Variants in RBFOX1 observed in about 807,000 individuals in gnomAD.
The protein encoded by RBFOX1 is RNA binding fox-1 homolog 1.
A neutral mutation model predicts 57.7 loss-of-function variants in RBFOX1; 8 were observed. The observed-to-expected ratio is 0.14, with a 90% CI of 0.08 to 0.25. RBFOX1 has a LOEUF of 0.25. RBFOX1 is among the 10% of genes least tolerant of loss of function. The pLI is 1.00. For synonymous variants in RBFOX1, 326 were observed against 222.4 expected, an observed-to-expected ratio of 1.47 and a Z score of -4.15; for missense variants, 611 against 548.5, an observed-to-expected ratio of 1.11 and a Z score of -1.14.
chr16:6,651,171 G>T (rs1324606376), intron 2 of RBFOX1, among the ~76,000 whole-genome samples: 1 of 152,140 alleles, frequency 6.6e-6, no homozygotes, highest in South Asian at 2.1e-4. Context: ...CAGAGTGCTG[G>T]GATTGCAGGC....
At chr16:6,201,422 C>T (rs2097214415) in intron 1 of RBFOX1, among the ~76,000 whole-genome samples, 2 of 152,128 alleles carry the variant, frequency 1.3e-5, no homozygotes, top group African/African-American at 4.8e-5. Flanking sequence ...TTCTCAACAA[C>T]AGCGTATAAG....
intron 4 of RBFOX1, among the ~76,000 whole-genome samples, chr16:5,983,935 CTCCTCCTCT>C (rs1189694585): frequency 2.1e-5 from 3 of 145,678 alleles, no homozygotes; most frequent in Non-Finnish European, 3.0e-5. Flanking sequence ...CCCCCTCCTC[CTCCTCCTCT>C]TCCTCCTCTT....
At chr16:7,359,196 T>C (rs934616337) in intron 4 of RBFOX1, among the ~76,000 whole-genome samples, 1 of 152,184 alleles carries the variant, frequency 6.6e-6, no homozygotes, top group Non-Finnish European at 1.5e-5. Context: ...ACCTCTCTTA[T>C]CTGAGCCTTG....
rs993033730 is a variant in RBFOX1 at position 7,439,953 on chromosome 16, T to C, written c.28-78194T>C. ...AAACAACCAAATCTTTTCTTTCTTT[T>C]TTTTTTTTTTTTTTTTGAGACAGGG... is the stretch of plus-strand genomic sequence containing the variant. On this transcript the variant is annotated intron_variant, in intron 4 of 15. Transcript: ENST00000550418. Among the ~76,000 whole-genome samples, 112 of 147,476 alleles carry C rather than the reference T, an allele frequency of 7.6e-4. 1 individual carries two copies. Among genetic ancestry groups the C allele is most frequent in the Non-Finnish European group, 1.0e-3 (68 of 66,600 alleles).
intron 4 of RBFOX1, among the ~76,000 whole-genome samples, chr16:7,356,261 G>A (rs1027246868): frequency 6.6e-6 from 1 of 152,252 alleles, no homozygotes; most frequent in Non-Finnish European, 1.5e-5. Context: ...GATTCTAATG[G>A]GCAGGATGGA....
intron 7 of RBFOX1, among the ~76,000 whole-genome samples, chr16:7,592,642 G>C (rs921584736): frequency 6.6e-6 from 1 of 152,152 alleles, no homozygotes; most frequent in Non-Finnish European, 1.5e-5. Context: ...TTTGGAATAT[G>C]TGGCATGGCT....
intron 3 of RBFOX1, among the ~76,000 whole-genome samples, chr16:5,827,692 G>A (rs576325300): frequency 3.5e-4 from 54 of 152,258 alleles, no homozygotes; most frequent in African/African-American, 1.2e-3. Context: ...GGCAACCCCT[G>A]CTTTGAGTTA....
intron 1 of RBFOX1, among the ~76,000 whole-genome samples, chr16:5,417,209 C>T (rs483079): frequency 0.28 from 42,189 of 152,134 alleles, 8,851 homozygotes; most frequent in African/African-American, 0.59. Context: ...TTTATTCTTA[C>T]TGAATTAGAA....
At chr16:6,287,501 A>G (rs867974318) in intron 1 of RBFOX1, among the ~76,000 whole-genome samples, 6 of 152,292 alleles carry the variant, frequency 3.9e-5, no homozygotes, top group African/African-American at 1.4e-4. Flanking sequence ...AATACCAAAT[A>G]CTAGATTATT....
At chr16:7,548,176 T>A (rs1567771956) in intron 5 of RBFOX1, among the ~76,000 whole-genome samples, 1 of 152,226 alleles carries the variant, frequency 6.6e-6, no homozygotes, top group Non-Finnish European at 1.5e-5. Context: ...TTTCATATTT[T>A]ATTTTTACTT....
intron 4 of RBFOX1, among the ~76,000 whole-genome samples, chr16:7,375,455 AAG>A (rs2097668034): frequency 6.6e-6 from 1 of 152,148 alleles, no homozygotes. Flanking sequence ...CAATCCAGGA[AAG>A]AGAGACCTGC....
chr16:5,799,178 G>A (rs112013656), intron 3 of RBFOX1, among the ~76,000 whole-genome samples: 1,630 of 152,042 alleles, frequency 0.011, 27 homozygotes, highest in African/African-American at 0.037. Flanking sequence ...AAGCAGAAAG[G>A]GAAACCCCTT....
intron 4 of RBFOX1, among the ~76,000 whole-genome samples, chr16:7,054,972 G>A (rs1263840481): frequency 6.6e-6 from 1 of 152,146 alleles, no homozygotes; most frequent in East Asian, 1.9e-4. Context: ...GTAGGAATTG[G>A]CGTATCCAAT....
At chr16:6,730,815 T>C (rs2068376992) in intron 3 of RBFOX1, among the ~76,000 whole-genome samples, 1 of 152,202 alleles carries the variant, frequency 6.6e-6, no homozygotes, top group Non-Finnish European at 1.5e-5. Flanking sequence ...GTTTCTCATA[T>C]GTGGCTGAGG....
Position 7,671,468 on chromosome 16 carries a change from G to A in RBFOX1, c.931-5306G>A. ...GTAAGAGAGAAGCAAACTTGTAAAT[G>A]AATTGCTCTGGAATTTGTCTGACTT... On this transcript the variant is annotated intron_variant, in intron 13 of 15. Transcript: ENST00000550418. The A allele has an allele frequency of 2.4e-6, 3 of 1,264,054 alleles. No individual in the cohort carries two copies. In the Admixed American group the frequency reaches 5.4e-5, roughly 23 times the overall value. The allele number at this position is 1,264,054 out of a possible 1,614,324, so 78.3% of individuals were successfully genotyped here. A position where few individuals can be genotyped will look rare whatever the true frequency, so the allele number is the denominator to read the frequency against.
intron 4 of RBFOX1, among the ~76,000 whole-genome samples, chr16:5,954,761 C>G (rs1039185620): frequency 6.6e-6 from 1 of 152,146 alleles, no homozygotes; most frequent in African/African-American, 2.4e-5. Context: ...ATTGCAGAGG[C>G]TACATTTAAA....
intron 5 of RBFOX1, among the ~76,000 whole-genome samples, chr16:7,538,576 A>C (rs1179799809): frequency 6.6e-6 from 1 of 152,244 alleles, no homozygotes; most frequent in East Asian, 1.9e-4. Flanking sequence ...TTAGAATGTT[A>C]TCTTGTAGGA....
At chr16:5,401,342 G>C (rs1770803719) in intron 1 of RBFOX1, among the ~76,000 whole-genome samples, 1 of 152,116 alleles carries the variant, frequency 6.6e-6, no homozygotes, top group Non-Finnish European at 1.5e-5. Flanking sequence ...CTTGGTTTGT[G>C]ATGCCTCCTT....
At chr16:7,278,712 C>T (rs1349439681) in intron 4 of RBFOX1, among the ~76,000 whole-genome samples, 1 of 152,170 alleles carries the variant, frequency 6.6e-6, no homozygotes, top group South Asian at 2.1e-4. Flanking sequence ...AAACATATTA[C>T]AAATTGCCAA....
Sources: gnomAD v4.1 joint callset for allele counts (sites outside exome capture counted in the v4.1 genomes callset) on GRCh38, gnomAD v4.1.1 for gene constraint, MANE v1.5 for transcripts, NCBI Gene and HGNC (gene_info 2026-07-23, HGNC 2026-07-21) for gene names.